LRP2: variants seen among roughly 807,000 people sequenced by gnomAD.
LRP2 encodes the protein LDL receptor related protein 2, also known as low-density lipoprotein receptor-related protein 2.
In LRP2, 172 loss-of-function variants were observed where a neutral mutation model predicts 531.0. That is an observed-to-expected ratio of 0.32 (90% CI 0.29 to 0.37). The LOEUF is 0.37. Ranked by LOEUF, LRP2 falls within the 10% of genes least tolerant of loss-of-function variation. LRP2 has a pLI of 1.00. For missense variants in LRP2, 5,167 were observed against 5,868.3 expected (o/e 0.88, Z 3.90); for synonymous variants, 1,992 against 2,027.6 (o/e 0.98, Z 0.47).
chr2:169,318,658 C>T, intron 3 of LRP2, 104 bp downstream of exon 3: 1 of 1,524,158 alleles, frequency 6.6e-7, no homozygotes, highest in Non-Finnish European at 9.1e-7. Context: ...TAAGGCCCTG[C>T]TCCACATTTA....
chr2:169,345,868 C>CA (rs1300591761), intron 1 of LRP2, among the ~76,000 whole-genome samples: 1 of 151,444 alleles, frequency 6.6e-6, no homozygotes, highest in African/African-American at 2.4e-5. Flanking sequence ...AAAAACAAAA[C>CA]AAAACAAAAC....
intron 29 of LRP2, among the ~76,000 whole-genome samples, chr2:169,234,943 T>C (rs1689550230): frequency 1.3e-5 from 2 of 151,772 alleles, no homozygotes. Context: ...AGGGTCTCAC[T>C]TTGTCACCCA....
chr2:169,281,099 A>G (rs935962993), intron 10 of LRP2, among the ~76,000 whole-genome samples: 1 of 152,230 alleles, frequency 6.6e-6, no homozygotes, highest in Non-Finnish European at 1.5e-5. Flanking sequence ...AATTATGAAC[A>G]TAAAAGAAGG....
At position 169,226,438 on chromosome 2, in the gene LRP2, T is replaced by C; in HGVS notation, c.5378A>G (p.Tyr1793Cys). The change falls in exon 32 of 79, where the codon TAT becomes TGT. Residue 1793 changes from tyrosine (Y) to cysteine (C), a missense_variant. By Grantham distance (194) the Tyr-to-Cys change is radical. Transcript: ENST00000649046. The stretch of plus-strand genomic sequence containing the variant: ...AAAACTTACTGGATTTTCAACCCAA[T>C]AGATGTATTGCTCAGCATCATCAAA... The part of the protein sequence containing the change: ...VEFDDAEQYI[Y>C]WVENPGEIHR... 1 of 1,613,548 alleles carries C rather than the reference T, an allele frequency of 6.2e-7. No homozygotes were observed. Among genetic ancestry groups the C allele is most frequent in the Non-Finnish European group, 8.5e-7 (1 of 1,179,580 alleles).
intron 65 of LRP2, 126 bp from the exon 66 acceptor site, chr2:169,154,729 T>C: frequency 1.2e-6 from 1 of 835,942 alleles, no homozygotes. Flanking sequence ...GGAATCTGAC[T>C]ATCTCTGTTA....
At chr2:169,275,488 C>A in intron 13 of LRP2, 1 of 486,904 alleles carries the variant, frequency 2.1e-6, no homozygotes, top group Non-Finnish European at 3.7e-6. Context: ...TTTAGCTTGT[C>A]CTAGACTTTT....
In LRP2 at chr2:169,239,587, G is replaced by A. The variant is rs145669628; in HGVS notation, c.4234C>T (p.Arg1412Trp). ...QHCYNMRGSF[R>W]CSCDTGYMLE... The stretch of plus-strand genomic sequence containing the variant: ...ATGTAGCCTGTATCACACGAGCACC[G>A]GAAAGAACCTCTCATATTGTAACAG... Residue 1412 changes from arginine to tryptophan, a missense_variant, in exon 26 of 79, where the codon CGG becomes TGG. This residue lies in a region of LRP2 where 2,811 missense variants were observed against 3,058.0 expected (regional missense o/e 0.92). Coordinates refer to ENST00000649046, the MANE Select transcript of LRP2 (RefSeq NM_004525.3). 126 of 1,613,990 alleles carry A rather than the reference G, an allele frequency of 7.8e-5. No homozygotes were observed. Among genetic ancestry groups the A allele is most frequent in the Middle Eastern group, 1.6e-4 (1 of 6,062 alleles).
chr2:169,135,422 C>T (rs1016915054), intron 76 of LRP2, among the ~76,000 whole-genome samples: 5 of 152,186 alleles, frequency 3.3e-5, no homozygotes, highest in Non-Finnish European at 5.9e-5. Context: ...AAGTCCACTG[C>T]GGTCATTTCT....
chr2:169,336,289 G>A (rs1302380684), intron 1 of LRP2, among the ~76,000 whole-genome samples: 2 of 152,038 alleles, frequency 1.3e-5, no homozygotes, highest in Non-Finnish European at 2.9e-5. Context: ...TGTAATCCCA[G>A]CACTTTGGGA....
intron 58 of LRP2, 29 bp downstream of exon 58, chr2:169,171,986 A>G (rs768813288): frequency 1.2e-6 from 2 of 1,613,708 alleles, no homozygotes; most frequent in South Asian, 2.2e-5. Context: ...CTGGTGGTAT[A>G]TAAGGACCAT....
At position 169,170,986 on chromosome 2, in the gene LRP2, C is replaced by A. The variant is rs114648421; in HGVS notation, c.11264-319G>T. Among the ~76,000 whole-genome samples, 2,951 of 127,632 alleles carry A rather than the reference C, an allele frequency of 0.023. 35 individuals carry two copies. Among genetic ancestry groups the A allele is most frequent in the Non-Finnish European group, 0.032 (2,039 of 63,682 alleles). The allele number at this position is 127,632 out of a possible 152,430, so 83.7% of individuals were successfully genotyped here. A position where few individuals can be genotyped will look rare whatever the true frequency, so the allele number is the denominator to read the frequency against. On this transcript the variant is annotated intron_variant, in intron 58 of 78. Transcript: ENST00000649046. The stretch of plus-strand genomic sequence containing the variant: ...ACATTGCCCAGGCTGACTTTGAACT[C>A]CTGGTCTAAAGTAATCCTCCCTGCT...
chr2:169,340,878 T>C (rs1685544024), intron 1 of LRP2, among the ~76,000 whole-genome samples: 1 of 152,196 alleles, frequency 6.6e-6, no homozygotes, highest in Non-Finnish European at 1.5e-5. Flanking sequence ...TTTGACTTTC[T>C]ATTAAACAAA....
Position 169,262,736 on chromosome 2 carries a change from A to G in LRP2, c.2321-3519T>C, listed in dbSNP as rs1480721079. 4.7e-5 allele frequency among the ~76,000 whole-genome samples: 7 copies of G among 150,074 alleles called. No homozygotes were observed. In the South Asian group the frequency reaches 6.5e-4, roughly 14 times the overall value. ...CCAATGACTTTCTTCACAGAATTGG[A>G]AAAAACTACTTTAAAGCTCATATGG... On this transcript the variant is annotated intron_variant, in intron 16 of 78. Coordinates refer to ENST00000649046, the MANE Select transcript of LRP2 (RefSeq NM_004525.3).
At chr2:169,329,115 C>T (rs1177148820) in intron 1 of LRP2, among the ~76,000 whole-genome samples, 5 of 151,972 alleles carry the variant, frequency 3.3e-5, no homozygotes, top group African/African-American at 7.3e-5. Context: ...CTGACTTTGG[C>T]GAAAAAAATA....
At chr2:169,243,851 A>C (rs35108325) in intron 22 of LRP2, among the ~76,000 whole-genome samples, 44,701 of 151,754 alleles carry the variant, frequency 0.29, 7,346 homozygotes, top group South Asian at 0.58. Context: ...TCTAGACCAA[A>C]GCCAAGCAAT....
At chr2:169,334,184 T>C (rs569028459) in intron 1 of LRP2, among the ~76,000 whole-genome samples, 3 of 152,252 alleles carry the variant, frequency 2.0e-5, no homozygotes, top group East Asian at 1.9e-4. Flanking sequence ...TCATTAGTAA[T>C]TACAGTAAAA....
At chr2:169,309,651 G>C (rs1684535563) in intron 3 of LRP2, among the ~76,000 whole-genome samples, 1 of 152,138 alleles carries the variant, frequency 6.6e-6, no homozygotes, top group African/African-American at 2.4e-5. Flanking sequence ...TTGAAGTCAG[G>C]TAGCATGATG....
chr2:169,166,189 A>G, intron 61 of LRP2, 135 bp from the exon 62 acceptor site: 1 of 849,480 alleles, frequency 1.2e-6, no homozygotes, highest in East Asian at 2.7e-5. Context: ...ATCAATCAGC[A>G]GATACACCTT....
intron 16 of LRP2, among the ~76,000 whole-genome samples, chr2:169,267,192 C>T (rs983279978): frequency 6.6e-6 from 1 of 151,956 alleles, no homozygotes; most frequent in African/African-American, 2.4e-5. Context: ...GTTTGTTTTA[C>T]CTTAATCCAT....
Sources: allele counts gnomAD v4.1 joint callset (sites outside exome capture counted in the v4.1 genomes callset), GRCh38; gene constraint gnomAD v4.1.1; regional missense constraint gnomAD v4.1.1; transcripts MANE v1.5; gene names NCBI Gene and HGNC (gene_info 2026-07-23, HGNC 2026-07-21).